The following DIAPH2 variants were observed in gnomAD, a reference collection of about 807,000 sequenced individuals.
DIAPH2 encodes diaphanous related formin 2.
In DIAPH2, 35 loss-of-function variants were observed where a neutral mutation model predicts 92.7. That is an observed-to-expected ratio of 0.38 (90% CI 0.29 to 0.50). The LOEUF (loss-of-function observed/expected upper bound fraction) is 0.50, where lower values mean the gene tolerates loss of function less well. Ranked by LOEUF, DIAPH2 falls within the 20% of genes least tolerant of loss-of-function variation. The pLI is 0.94. For missense variants in DIAPH2, 701 were observed against 819.5 expected (o/e 0.86, Z 1.77); for synonymous variants, 301 against 280.4 (o/e 1.07, Z -0.73).
chrX:97,395,771 A>G (rs2069698895), intron 25 of DIAPH2, among the ~76,000 whole-genome samples: 1 of 112,616 alleles, frequency 8.9e-6, no homozygotes, highest in South Asian at 3.7e-4. Context: ...AAAAATAAAT[A>G]TGTGAAACAA....
chrX:97,413,246 T>C (rs1342471047), intron 25 of DIAPH2, among the ~76,000 whole-genome samples: 1 of 111,067 alleles, frequency 9.0e-6, no homozygotes, highest in East Asian at 2.8e-4. Context: ...CAAGGCTGGT[T>C]CAATATATGC....
At chrX:97,092,611 CAG>C (rs1032009194) in intron 19 of DIAPH2, among the ~76,000 whole-genome samples, 2 of 111,944 alleles carry the variant, frequency 1.8e-5, no homozygotes, top group African/African-American at 6.5e-5. Flanking sequence ...TAAATGAAAA[CAG>C]AGAACTAAAT....
At chrX:96,947,271 T>G (rs963655818) in intron 14 of DIAPH2, among the ~76,000 whole-genome samples, 11 of 111,412 alleles carry the variant, frequency 9.9e-5, no homozygotes, top group African/African-American at 3.6e-4. Flanking sequence ...GGAAAAAATG[T>G]GTATAGTGTG....
rs529916876 is a variant in DIAPH2, at chrX:97,385,806, A to G, written c.3145+1762A>G. 4.5e-5 allele frequency among the ~76,000 whole-genome samples: 5 copies of G among 112,154 alleles called. No individual in the cohort carries two copies. In the South Asian group the frequency reaches 1.9e-3, roughly 42 times the overall value. ...GAACTATTCTAGGAATTTTACATTT[A>G]GGAACCAATTTAATCCTCATAGAAC... On this transcript the variant is annotated intron_variant, in intron 25 of 26. Transcript: ENST00000324765.
chrX:97,010,206 C>T (rs771672764), intron 17 of DIAPH2, among the ~76,000 whole-genome samples: 2 of 111,620 alleles, frequency 1.8e-5, no homozygotes, highest in South Asian at 7.6e-4. Flanking sequence ...ATATTGCTTT[C>T]TGCTATGACA....
chrX:97,396,111 T>C (rs2069701183), intron 25 of DIAPH2, among the ~76,000 whole-genome samples: 1 of 112,298 alleles, frequency 8.9e-6, no homozygotes, highest in African/African-American at 3.2e-5. Flanking sequence ...AAACATGCTT[T>C]GTTCCATATT....
chrX:97,278,764 G>A (rs2068472364), intron 23 of DIAPH2, among the ~76,000 whole-genome samples: 1 of 112,170 alleles, frequency 8.9e-6, no homozygotes, highest in Non-Finnish European at 1.9e-5. Flanking sequence ...CTCTGGCACA[G>A]GTTGCAGCAT....
chrX:96,702,316 T>G (rs976410582), intron 1 of DIAPH2, among the ~76,000 whole-genome samples: 1 of 111,931 alleles, frequency 8.9e-6, no homozygotes, highest in Non-Finnish European at 1.9e-5. Flanking sequence ...TGTTCAATAG[T>G]TAATCTAATT....
intron 5 of DIAPH2, chrX:96,884,631 G>A (rs1328940634): frequency 1.7e-6 from 2 of 1,207,855 alleles, no homozygotes; most frequent in African/African-American, 3.5e-5. Context: ...CCCGACAGTG[G>A]TTTGGTAGAG....
chrX:97,087,516 A>T (rs868250206), intron 19 of DIAPH2, among the ~76,000 whole-genome samples: 4 of 111,504 alleles, frequency 3.6e-5, no homozygotes, highest in Non-Finnish European at 5.7e-5. Context: ...TGGAAAAAAA[A>T]TTCTTTTGGG....
At chrX:96,848,051 T>A (rs983281731) in intron 4 of DIAPH2, among the ~76,000 whole-genome samples, 44 of 110,339 alleles carry the variant, frequency 4.0e-4, no homozygotes, top group Non-Finnish European at 5.7e-4. Context: ...TATTATTATT[T>A]TTTTTAGAGA....
chrX:97,139,421 A>G (rs955592776), intron 21 of DIAPH2, among the ~76,000 whole-genome samples: 2 of 107,993 alleles, frequency 1.9e-5, no homozygotes, highest in Non-Finnish European at 3.8e-5. Context: ...TGCCAGTTTG[A>G]ACCATTAAAA....
intron 22 of DIAPH2, among the ~76,000 whole-genome samples, chrX:97,244,716 A>G (rs2068124878): frequency 8.9e-6 from 1 of 111,896 alleles, no homozygotes; most frequent in African/African-American, 3.2e-5. Flanking sequence ...GAGAAATTTA[A>G]CAAGACCTAT....
intron 22 of DIAPH2, among the ~76,000 whole-genome samples, chrX:97,230,777 C>A (rs955421759): frequency 1.8e-5 from 2 of 112,015 alleles, no homozygotes; most frequent in African/African-American, 6.5e-5. Context: ...AAACTCCTGA[C>A]CTCAGGCGAT....
chrX:97,585,819 G>T (rs1602684651), intron 26 of DIAPH2, among the ~76,000 whole-genome samples: 1 of 111,519 alleles, frequency 9.0e-6, no homozygotes, highest in East Asian at 2.8e-4. Flanking sequence ...GGTCTCTAAT[G>T]ACCTCCATAT....
At chrX:97,309,355 C>T (rs1189118952) in intron 23 of DIAPH2, among the ~76,000 whole-genome samples, 2 of 111,009 alleles carry the variant, frequency 1.8e-5, no homozygotes, top group African/African-American at 6.5e-5. Flanking sequence ...CCCACCTCAG[C>T]CTCCCAAAGT....
chrX:96,874,757 T>A (rs1352942660), intron 4 of DIAPH2, among the ~76,000 whole-genome samples: 1 of 112,042 alleles, frequency 8.9e-6, no homozygotes, highest in Non-Finnish European at 1.9e-5. Context: ...AATGTTAAAA[T>A]CTAAAATTTT....
At chrX:96,855,569 T>C (rs1026113504) in intron 4 of DIAPH2, among the ~76,000 whole-genome samples, 1 of 108,599 alleles carries the variant, frequency 9.2e-6, no homozygotes, top group East Asian at 2.8e-4. Flanking sequence ...AATATAGATA[T>C]AGATATAAAT....
intron 15 of DIAPH2, among the ~76,000 whole-genome samples, chrX:96,955,295 C>A (rs1382948975): frequency 9.0e-6 from 1 of 111,659 alleles, no homozygotes; most frequent in Non-Finnish European, 1.9e-5. Flanking sequence ...TCGGAGAACT[C>A]AGAATTATCA....
Sources: allele counts gnomAD v4.1 joint callset (sites outside exome capture counted in the v4.1 genomes callset), GRCh38; gene constraint gnomAD v4.1.1; transcripts MANE v1.5; gene names NCBI Gene and HGNC (gene_info 2026-07-23, HGNC 2026-07-21).